GGACT: variants seen among roughly 807,000 people sequenced by gnomAD.
GGACT encodes the protein gamma-glutamylamine cyclotransferase.
For missense variants in GGACT, 241 were observed against 233.2 expected (o/e 1.03, Z -0.22); for synonymous variants, 118 against 115.3 (o/e 1.02, Z -0.15).
chr13:100,557,563 C>A (rs917870821), intron 2 of GGACT, among the ~76,000 whole-genome samples: 1 of 151,996 alleles, frequency 6.6e-6, no homozygotes, highest in Non-Finnish European at 1.5e-5. Flanking sequence ...AACTGCATAT[C>A]CATATGCAAA....
intron 2 of GGACT, among the ~76,000 whole-genome samples, chr13:100,559,449 T>A (rs192881654): frequency 5.3e-5 from 8 of 149,854 alleles, no homozygotes; most frequent in Admixed American, 5.3e-4. Context: ...GGCCTCCCAA[T>A]GTGCTGGGAT....
intron 2 of GGACT, among the ~76,000 whole-genome samples, chr13:100,568,135 T>A (rs1874964377): frequency 6.6e-6 from 1 of 152,194 alleles, no homozygotes; most frequent in African/African-American, 2.4e-5. Flanking sequence ...GGACCAGTAA[T>A]TAAGAAAGAA....
intron 2 of GGACT, among the ~76,000 whole-genome samples, chr13:100,562,302 C>CACAA (rs1286773909): frequency 6.6e-6 from 1 of 152,128 alleles, no homozygotes; most frequent in Non-Finnish European, 1.5e-5. Context: ...TTCATAAATA[C>CACAA]ACCTTAGTTT....
chr13:100,564,850 A>C (rs910921050), intron 2 of GGACT, among the ~76,000 whole-genome samples: 1 of 152,174 alleles, frequency 6.6e-6, no homozygotes, highest in African/African-American at 2.4e-5. Flanking sequence ...GCCTGAACCC[A>C]GCAGAAGCCA....
intron 2 of GGACT, chr13:100,535,834 G>C (rs989421397): frequency 6.6e-6 from 1 of 151,982 alleles, no homozygotes; most frequent in Non-Finnish European, 1.5e-5. Flanking sequence ...TTAGTTTCTA[G>C]GATTGTAATT....
At position 100,530,609 on chromosome 13, in the gene GGACT, C is replaced by T. The variant is rs2088342397; in HGVS notation, c.*1521G>A. ...GCCATTTTTTCATCTGATTGCCTTACTACTTCTAGAAGTGAGGCCCTCACT... is the reference window on the plus strand; with the variant it reads ...GCCATTTTTTCATCTGATTGCCTTATTACTTCTAGAAGTGAGGCCCTCACT... On this transcript the variant is annotated 3_prime_UTR_variant, in exon 3 of 3. Transcript: ENST00000683975. 1 of 292,914 alleles carries T rather than the reference C, an allele frequency of 3.4e-6. No homozygotes were observed. The highest frequency in any genetic ancestry group is 2.2e-5 in the African/African-American group (1 of 44,902). The allele number at this position is 292,914 out of a possible 1,614,324, so 18.1% of individuals were successfully genotyped here.
chr13:100,562,022 G>A (rs912371382), intron 2 of GGACT, among the ~76,000 whole-genome samples: 6 of 152,210 alleles, frequency 3.9e-5, no homozygotes, highest in Non-Finnish European at 5.9e-5. Flanking sequence ...CAGTGGGTTC[G>A]AAAGGACCAG....
chr13:100,547,537 C>T (rs1157593065), intron 2 of GGACT, among the ~76,000 whole-genome samples: 2 of 152,194 alleles, frequency 1.3e-5, no homozygotes, highest in East Asian at 1.9e-4. Context: ...GCCTGGTCTG[C>T]GCTTACTGTC....
chr13:100,584,275 C>G (rs1201681661), intron 1 of GGACT, among the ~76,000 whole-genome samples: 2 of 152,122 alleles, frequency 1.3e-5, no homozygotes, highest in Non-Finnish European at 2.9e-5. Flanking sequence ...GGTACATATA[C>G]ACAATGAAGT....
chr13:100,582,923 G>C (rs543978323), intron 2 of GGACT, among the ~76,000 whole-genome samples: 1 of 152,100 alleles, frequency 6.6e-6, no homozygotes, highest in Non-Finnish European at 1.5e-5. Context: ...CCAGTGTTCA[G>C]AATAGCTTAA....
intron 2 of GGACT, among the ~76,000 whole-genome samples, chr13:100,554,307 T>G (rs2088693989): frequency 6.6e-6 from 1 of 152,128 alleles, no homozygotes. Flanking sequence ...AAACTCCTAT[T>G]GCAGAAAAGT....
intron 1 of GGACT, among the ~76,000 whole-genome samples, chr13:100,585,036 C>A (rs561456382): frequency 6.6e-6 from 1 of 152,242 alleles, no homozygotes; most frequent in African/African-American, 2.4e-5. Context: ...CCAAAAATGG[C>A]AAGCATGAAC....
chr13:100,558,312 CA>C (rs1290640932), intron 2 of GGACT, among the ~76,000 whole-genome samples: 2 of 151,892 alleles, frequency 1.3e-5, no homozygotes, highest in African/African-American at 4.8e-5. Context: ...ACTACCTCTC[CA>C]AAAAAACCAA....
chr13:100,587,751 G>T (rs1235168026), intron 1 of GGACT, among the ~76,000 whole-genome samples: 1 of 152,192 alleles, frequency 6.6e-6, no homozygotes, highest in South Asian at 2.1e-4. Context: ...ACAAATCCCG[G>T]GTGCAGTGGC....
At chr13:100,569,008 C>G (rs1874995940) in intron 2 of GGACT, among the ~76,000 whole-genome samples, 1 of 152,272 alleles carries the variant, frequency 6.6e-6, no homozygotes. Context: ...GAGGTGGGCT[C>G]TCATGGCCTT....
At chr13:100,546,304 G>A (rs2088603249) in intron 2 of GGACT, among the ~76,000 whole-genome samples, 1 of 144,822 alleles carries the variant, frequency 6.9e-6, no homozygotes, top group South Asian at 2.2e-4. Flanking sequence ...GGAGCTTGCA[G>A]TAAGCCGAGA....
chr13:100,583,741 C>A (rs1391967224), intron 2 of GGACT, 84 bp downstream of exon 2: 1 of 152,224 alleles, frequency 6.6e-6, no homozygotes, highest in East Asian at 1.9e-4. Context: ...GGGCTTCCAA[C>A]TGGCACTATT....
rs140738598 is a variant in GGACT, at chr13:100,556,718, T to C, written c.-10-24117A>G. ...GAGGGCATGGATAACCCATTCTCCA[T>C]GATGTGCGTATTTCATATTGCATGC... is the stretch of plus-strand genomic sequence containing the variant. On this transcript the variant is annotated intron_variant, in intron 2 of 2. Transcript: ENST00000683975. Among the ~76,000 whole-genome samples the C allele has an allele frequency of 2.8e-4, 43 of 152,310 alleles. 1 individual carries two copies. The East Asian group carries it at 8.1e-3, about 29-fold the overall frequency.
At chr13:100,556,642 G>T (rs960460201) in intron 2 of GGACT, among the ~76,000 whole-genome samples, 4 of 151,934 alleles carry the variant, frequency 2.6e-5, no homozygotes, top group Non-Finnish European at 5.9e-5. Flanking sequence ...TATATAAAAG[G>T]TAACTTAAAG....
Sources: allele counts gnomAD v4.1 joint callset (sites outside exome capture counted in the v4.1 genomes callset), GRCh38; gene constraint gnomAD v4.1.1; transcripts MANE v1.5; gene names NCBI Gene and HGNC (gene_info 2026-07-23, HGNC 2026-07-21).